The following PAPLN variants were observed in gnomAD, a reference collection of about 807,000 sequenced individuals.
PAPLN encodes the protein papilin, proteoglycan like sulfated glycoprotein.
In PAPLN, 146 loss-of-function variants were observed where a neutral mutation model predicts 159.0. The ratio of observed to expected loss-of-function variants is 0.92; its 90% CI spans 0.80 to 1.05. The LOEUF is 1.05. Among genes scored for constraint, PAPLN ranks in the 50% least tolerant of loss-of-function variants. The pLI, the probability that PAPLN is intolerant of heterozygous loss-of-function variation, is 0.00. For synonymous variants in PAPLN, 734 were observed against 702.9 expected, an observed-to-expected ratio of 1.04 and a Z score of -0.70; for missense variants, 1,720 against 1,743.9, an observed-to-expected ratio of 0.99 and a Z score of 0.24.
chr14:73,253,212 AGT>A (rs762641641), intron 11 of PAPLN: 4 of 1,359,264 alleles, frequency 2.9e-6, no homozygotes, highest in Non-Finnish European at 3.9e-6. Context: ...GGGCCCAGCG[AGT>A]GTGTGGGAAC....
chr14:73,268,380 C>A, intron 25 of PAPLN, 177 bp from the exon 26 acceptor site: 1 of 585,936 alleles, frequency 1.7e-6, no homozygotes. Context: ...GCACCATCAT[C>A]ACCCAGTAAC....
In PAPLN at chr14:73,268,613, C is replaced by T. The variant is rs150931921; in HGVS notation, c.3557C>T (p.Thr1186Met). Residue 1186 changes from threonine (T) to methionine (M), a missense_variant, in exon 26 of 27, where the codon ACG (threonine) becomes ATG (methionine). Transcript: ENST00000644200. ...CGTGTCCACCAGTCCCCAGATGGCA[C>T]GCTGCTCATTTACAACTTGCGGGCC... ...GHRVHQSPDG[T>M]LLIYNLRARD... is the part of the protein sequence containing the mutation. 1.4e-5 allele frequency: 23 copies of T among 1,613,964 alleles called. No homozygotes were observed. Among genetic ancestry groups the T allele is most frequent in the African/African-American group, 1.1e-4 (8 of 75,016 alleles).
rs1462967474 is a variant in PAPLN, at chr14:73,272,834, AG to A, written c.*171del. On this transcript the variant is annotated 3_prime_UTR_variant, in exon 27 of 27. Transcript: ENST00000644200. ...TTAGCCTCAACGGCAGCCAGTTACCAGCTTCTCTCTGTAGCCTTCAGCAGTG... is the reference window on the plus strand; with the variant it reads ...TTAGCCTCAACGGCAGCCAGTTACCACTTCTCTCTGTAGCCTTCAGCAGTG... 2 of 585,192 alleles carry A rather than the reference AG, an allele frequency of 3.4e-6. No homozygotes were observed. Among genetic ancestry groups the A allele is most frequent in the African/African-American group, 3.8e-5 (2 of 53,202 alleles). 36.2% of individuals were successfully genotyped at this position (585,192 alleles called of 1,614,324 possible). A position where few individuals can be genotyped will look rare whatever the true frequency, so the allele number is the denominator to read the frequency against.
intron 2 of PAPLN, chr14:73,242,540 TG>T (rs201770538): frequency 1.1e-4 from 16 of 151,716 alleles, no homozygotes; most frequent in South Asian, 6.3e-4. Context: ...AGGCTGTGTG[TG>T]GGGGGGGCGG....
intron 5 of PAPLN, 155 bp from the exon 6 acceptor site, chr14:73,249,829 C>A: frequency 2.8e-6 from 2 of 710,626 alleles, no homozygotes; most frequent in Non-Finnish European, 4.1e-6. Flanking sequence ...TGGAGACGGT[C>A]CCTTCTCCTG....
At chr14:73,252,199 C>T in intron 10 of PAPLN, 58 bp downstream of exon 10, 3 of 1,506,314 alleles carry the variant, frequency 2.0e-6, no homozygotes, top group Non-Finnish European at 2.7e-6. Flanking sequence ...ATCCCACGGC[C>T]ACAGGTGGGC....
intron 5 of PAPLN, among the ~76,000 whole-genome samples, chr14:73,249,119 A>ATC: frequency 6.6e-6 from 1 of 152,108 alleles, no homozygotes; most frequent in South Asian, 2.1e-4. Context: ...AGACAGAGTG[A>ATC]GATCCCATCT....
At chr14:73,252,529 G>T (rs965442611) in intron 10 of PAPLN, 120 bp from the exon 11 acceptor site, 51 of 1,325,016 alleles carry the variant, frequency 3.8e-5, no homozygotes, top group Admixed American at 8.4e-5. Flanking sequence ...GCCTCGGGGG[G>T]GTCATCTAAG....
chr14:73,270,941 A>C (rs1053498695), intron 26 of PAPLN, among the ~76,000 whole-genome samples: 1 of 152,186 alleles, frequency 6.6e-6, no homozygotes, highest in African/African-American at 2.4e-5. Context: ...CCAGGGTAGG[A>C]GGCCTTGGGG....
At chr14:73,255,373 A>C (rs1295404361) in intron 14 of PAPLN, among the ~76,000 whole-genome samples, 1 of 152,106 alleles carries the variant, frequency 6.6e-6, no homozygotes, top group Non-Finnish European at 1.5e-5. Context: ...CTGGGTCCCC[A>C]ACTTCCATAT....
At chr14:73,250,759 A>T in intron 6 of PAPLN, 148 bp from the exon 7 acceptor site, 1 of 956,014 alleles carries the variant, frequency 1.0e-6, no homozygotes, top group Non-Finnish European at 1.4e-6. Context: ...TGTCAGCCAC[A>T]GGCCAGTCCC....
Position 73,245,901 on chromosome 14 carries a change from C to T in PAPLN, c.232-172C>T, listed in dbSNP as rs779581994. 24 of 870,744 alleles carry T rather than the reference C, an allele frequency of 2.8e-5. No homozygotes were observed. Among genetic ancestry groups the T allele is most frequent in the Admixed American group, 5.8e-5 (2 of 34,516 alleles). The allele number at this position is 870,744 out of a possible 1,614,324, so 53.9% of individuals were successfully genotyped here. A position where few individuals can be genotyped will look rare whatever the true frequency, so the allele number is the denominator to read the frequency against. ...CCTTGCCCTCCACAGCCTAGAGCAC[C>T]ATGGAGGGGCACGCACAGGAGTTCG... On this transcript the variant is annotated intron_variant, in intron 4 of 26. Coordinates refer to ENST00000644200, the MANE Select transcript of PAPLN (RefSeq NM_001365906.3). The surrounding 1 kb of genome is among the most constrained non-coding windows in gnomAD (Gnocchi z 4.2).
rs1045078609 is a variant in PAPLN at position 73,252,617 on chromosome 14, C to T, written c.968-32C>T. ...AACGCGCTTGGTGAATGTTGACTGG[C>T]GTCTGCCCGCCATGGCTGGGCCTCT... is the stretch of plus-strand genomic sequence containing the variant. On this transcript the variant is annotated intron_variant, in intron 10 of 26. Transcript: ENST00000644200. 4.4e-6 allele frequency: 7 copies of T among 1,605,274 alleles called. No individual in the cohort carries two copies. In the Admixed American group the frequency reaches 5.0e-5, roughly 12 times the overall value.
chr14:73,250,316 C>T (rs567532500), intron 6 of PAPLN, among the ~76,000 whole-genome samples: 8 of 152,296 alleles, frequency 5.3e-5, no homozygotes, highest in African/African-American at 1.9e-4. Flanking sequence ...CCTTGGAGAA[C>T]GCTAGCCCTA....
chr14:73,248,275 TGTG>T (rs1203563686), intron 5 of PAPLN, among the ~76,000 whole-genome samples: 4 of 137,694 alleles, frequency 2.9e-5, no homozygotes, highest in Non-Finnish European at 4.8e-5. Context: ...GTGTGTGTGT[TGTG>T]GGGATTGTGG....
rs142229342 is a variant in PAPLN, at chr14:73,268,648, G to A, written c.3592G>A (p.Gly1198Ser). 1 of 1,614,024 alleles carries A rather than the reference G, an allele frequency of 6.2e-7. No individual in the cohort carries two copies. Among genetic ancestry groups the A allele is most frequent in the Admixed American group, 1.7e-5 (1 of 60,012 alleles). Residue 1198 changes from glycine (G) to serine (S), a missense_variant, in exon 26 of 27, where the codon GGC becomes AGC. Gly to Ser is a moderately conservative substitution (Grantham distance 56). Coordinates refer to ENST00000644200, the MANE Select transcript of PAPLN (RefSeq NM_001365906.3). ...TTACAACTTGCGGGCCAGGGATGAG[G>A]GCTCCTACACGTGCAGTGCCTACCA... ...LIYNLRARDE[G>S]SYTCSAYQGS...
In PAPLN at chr14:73,239,793, G is replaced by A. The variant is rs756118424; in HGVS notation, c.15G>A (p.Leu5=). MRLL[L]LVPLLLAPAP... ...CGCAGGCTGAGATGCGGCTGCTCCT[G>A]CTCGTGCCGCTGCTGCTGGCTCCAG... Residue 5 remains leucine (L), a synonymous_variant, in exon 2 of 27, where the codon CTG becomes CTA. Transcript: ENST00000644200. 12 of 1,594,058 alleles carry A rather than the reference G, an allele frequency of 7.5e-6. No individual in the cohort carries two copies. The highest frequency in any genetic ancestry group is 1.7e-4 in the Middle Eastern group (1 of 5,734).
intron 2 of PAPLN, among the ~76,000 whole-genome samples, chr14:73,241,845 C>A (rs1291615911): frequency 6.6e-6 from 1 of 152,272 alleles, no homozygotes; most frequent in African/African-American, 2.4e-5. Context: ...CACGGGTGTG[C>A]ATGTGTTCTG....
Position 73,253,048 on chromosome 14 carries a change from TC to T in PAPLN, c.1094+276del, listed in dbSNP as rs534632293. Reference sequence around the variant, plus strand: ...GGAGGGTTGGAGAAGGTTCCAGAGGTCCCTGTCTGTCTGAGCCAGCAGAGGG... The same window carrying T: ...GGAGGGTTGGAGAAGGTTCCAGAGGTCCTGTCTGTCTGAGCCAGCAGAGGG... On this transcript the variant is annotated intron_variant, in intron 11 of 26. Coordinates refer to ENST00000644200, the MANE Select transcript of PAPLN (RefSeq NM_001365906.3). 7 of 1,188,462 alleles carry T rather than the reference TC, an allele frequency of 5.9e-6. No homozygotes were observed. The South Asian group carries it at 7.6e-5, about 13-fold the overall frequency. The allele number at this position is 1,188,462 out of a possible 1,614,324, so 73.6% of individuals were successfully genotyped here.
Sources: gnomAD v4.1 joint callset for allele counts (sites outside exome capture counted in the v4.1 genomes callset) on GRCh38, gnomAD v4.1.1 for gene constraint, Gnocchi (gnomAD v3.1) non-coding constraint, MANE v1.5 for transcripts, NCBI Gene and HGNC (gene_info 2026-07-23, HGNC 2026-07-21) for gene names.